The following CP variants were observed in gnomAD, a reference collection of about 807,000 sequenced individuals.
CP encodes the protein ceruloplasmin, also known as caeruloplasmin.
In CP, 64 loss-of-function variants were observed where a neutral mutation model predicts 122.4. The observed-to-expected ratio is 0.52, with a 90% CI of 0.43 to 0.64. The LOEUF is 0.64. Among genes scored for constraint, CP ranks in the 30% least tolerant of loss-of-function variants. The pLI, the probability that CP is intolerant of heterozygous loss-of-function variation, is 0.00. For synonymous variants in CP, 440 were observed against 436.4 expected, an observed-to-expected ratio of 1.01 and a Z score of -0.10; for missense variants, 1,167 against 1,284.4, an observed-to-expected ratio of 0.91 and a Z score of 1.40.
intron 14 of CP, 23 bp downstream of exon 14, chr3:149,181,982 C>T (rs1559937707): frequency 9.4e-6 from 5 of 532,610 alleles, no homozygotes; most frequent in South Asian, 1.5e-5. Context: ...ATGCACCACC[C>T]CCACCCCCGC....
intron 4 of CP, among the ~76,000 whole-genome samples, chr3:149,166,616 A>G (rs1480615437): frequency 1.3e-5 from 2 of 152,072 alleles, no homozygotes; most frequent in Non-Finnish European, 2.9e-5. Flanking sequence ...TGCCATATGT[A>G]TTTACTCATC....
intron 14 of CP, 49 bp from the exon 15 acceptor site, chr3:149,179,711 T>C: frequency 1.6e-6 from 1 of 608,112 alleles, no homozygotes; most frequent in Non-Finnish European, 2.9e-6. Flanking sequence ...GTTTATATTG[T>C]ACACACACAC....
intron 1 of CP, among the ~76,000 whole-genome samples, chr3:149,215,236 G>T (rs565728170): frequency 2.0e-5 from 3 of 152,040 alleles, no homozygotes; most frequent in Non-Finnish European, 4.4e-5. Context: ...GTCCTATTTT[G>T]ATAAACTATA....
chr3:149,208,430 C>A (rs536582077), intron 4 of CP, among the ~76,000 whole-genome samples: 2 of 152,118 alleles, frequency 1.3e-5, no homozygotes, highest in South Asian at 2.1e-4. Context: ...GGAAAGAGGA[C>A]CTTCCACCCA....
chr3:149,205,843 G>T (rs1248149376), intron 6 of CP, among the ~76,000 whole-genome samples: 2 of 152,158 alleles, frequency 1.3e-5, no homozygotes, highest in Non-Finnish European at 1.5e-5. Context: ...ATGCAATAGT[G>T]TAACTGTACT....
At chr3:149,213,252 A>G (rs369945138) in intron 1 of CP, among the ~76,000 whole-genome samples, 11 of 152,316 alleles carry the variant, frequency 7.2e-5, no homozygotes, top group African/African-American at 2.4e-4. Flanking sequence ...AGAGTTGTTG[A>G]TGCATGCAAT....
chr3:149,202,073 C>A (rs779399445), intron 7 of CP, 29 bp downstream of exon 7: 7 of 1,613,856 alleles, frequency 4.3e-6, no homozygotes, highest in Non-Finnish European at 5.9e-6. Flanking sequence ...GAAGAGTAAA[C>A]CAGCCATATA....
chr3:149,199,994 G>A, intron 7 of CP, 130 bp from the exon 8 acceptor site: 1 of 978,690 alleles, frequency 1.0e-6, no homozygotes, highest in South Asian at 1.4e-5. Flanking sequence ...GTGGTGAATG[G>A]AAAGCTTGGT....
rs1387190231 is a variant in CP, at chr3:149,173,465, T to A, written c.*249A>T. 6.0e-6 allele frequency: 2 copies of A among 334,670 alleles called. No homozygotes were observed. Among genetic ancestry groups the A allele is most frequent in the African/African-American group, 4.3e-5 (2 of 46,210 alleles). 20.7% of individuals were successfully genotyped at this position (334,670 alleles called of 1,614,324 possible). A position where few individuals can be genotyped will look rare whatever the true frequency, so the allele number is the denominator to read the frequency against. On this transcript the variant is annotated 3_prime_UTR_variant, in exon 19 of 19. Coordinates refer to ENST00000264613, the MANE Select transcript of CP (RefSeq NM_000096.4). Reference sequence around the variant, plus strand: ...TAAAACCCTAACAGCGGTGATATCATTAGACTGTATGAATCAGTTTTATTA... The same window carrying A: ...TAAAACCCTAACAGCGGTGATATCAATAGACTGTATGAATCAGTTTTATTA...
rs374918648 is a variant in CP at position 149,177,546 on chromosome 3, C to T, written c.3018+294G>A. On this transcript the variant is annotated intron_variant, in intron 17 of 18. Coordinates refer to ENST00000264613, the MANE Select transcript of CP (RefSeq NM_000096.4). The stretch of plus-strand genomic sequence containing the variant: ...CATCCTTCCATATACTTTAAATCAT[C>T]TCTAGATTATTATAATACCTAATAC... 4.6e-5 allele frequency among the ~76,000 whole-genome samples: 7 copies of T among 152,296 alleles called. No individual in the cohort carries two copies. The South Asian group carries it at 1.4e-3, about 32-fold the overall frequency.
At position 149,207,558 on chromosome 3, in the gene CP, C is replaced by T. The variant is rs969979982; in HGVS notation, c.841G>A (p.Val281Ile). ...PGLSMCAEDRVKWYLFGMGNE... is the reference protein window; with the variant it reads ...PGLSMCAEDRIKWYLFGMGNE... The stretch of plus-strand genomic sequence containing the variant: ...CCCATACCAAAAAGGTACCATTTTA[C>T]TCTGTCTTCAGCACACATGGAGAGT... The change falls in exon 5 of 19, where the codon GTA becomes ATA. Residue 281 changes from valine (V) to isoleucine (I), a missense_variant. By Grantham distance (29) the Val-to-Ile change is conservative (BLOSUM62 3). Around this residue, in one of 2 missense-constraint regions of CP, gnomAD observed 642 missense variants for 627.3 expected, o/e 1.02. Coordinates refer to ENST00000264613, the MANE Select transcript of CP (RefSeq NM_000096.4). 1 of 1,614,012 alleles carries T rather than the reference C, an allele frequency of 6.2e-7. No homozygotes were observed. The highest frequency in any genetic ancestry group is 8.5e-7 in the Non-Finnish European group (1 of 1,179,878).
chr3:149,169,655 C>T (rs1388304557), downstream of CP, among the ~76,000 whole-genome samples: 4 of 152,144 alleles, frequency 2.6e-5, no homozygotes, highest in Admixed American at 6.5e-5. Flanking sequence ...CCAGATGTTG[C>T]CAGATGTCCC....
intron 5 of CP, among the ~76,000 whole-genome samples, chr3:149,206,590 C>T (rs372521435): frequency 1.3e-4 from 20 of 152,220 alleles, no homozygotes; most frequent in African/African-American, 3.4e-4. Context: ...AAATATGGTA[C>T]CAGTTTCTGT....
At chr3:149,212,806 A>C in intron 1 of CP, 108 bp from the exon 2 acceptor site, 1 of 1,351,636 alleles carries the variant, frequency 7.4e-7, no homozygotes, top group South Asian at 1.3e-5. Flanking sequence ...AGCACATCAC[A>C]TTGAATGTTT....
intron 13 of CP, among the ~76,000 whole-genome samples, chr3:149,182,593 T>A (rs1725857612): frequency 6.6e-6 from 1 of 151,884 alleles, no homozygotes; most frequent in South Asian, 2.1e-4. Context: ...GGAGTGGGGG[T>A]CCCTGCAATT....
intron 6 of CP, among the ~76,000 whole-genome samples, chr3:149,204,530 C>T (rs375933091): frequency 1.2e-4 from 19 of 152,254 alleles, no homozygotes; most frequent in African/African-American, 2.6e-4. Context: ...GAGTTGGAGA[C>T]GCAGCGTTGG....
At chr3:149,172,255 T>A, downstream of CP, 1 of 1,599,036 alleles carries the variant, frequency 6.3e-7, no homozygotes, top group Non-Finnish European at 8.5e-7. Context: ...TAATGGCATT[T>A]GAGACTGAAT....
downstream of CP, among the ~76,000 whole-genome samples, chr3:149,171,599 T>C (rs1441208741): frequency 6.6e-6 from 1 of 152,100 alleles, no homozygotes; most frequent in African/African-American, 2.4e-5. Context: ...CAAAGGATTC[T>C]AGTAAGGAAA....
chr3:149,202,808 A>C (rs1019394204), intron 6 of CP, among the ~76,000 whole-genome samples: 2 of 149,024 alleles, frequency 1.3e-5, no homozygotes, highest in African/African-American at 2.5e-5. Flanking sequence ...ACAGGGTTTC[A>C]ACATGTTAGC....
Sources: gnomAD v4.1 joint callset for allele counts (sites outside exome capture counted in the v4.1 genomes callset) on GRCh38, gnomAD v4.1.1 for gene constraint, gnomAD v4.1.1 regional missense constraint, MANE v1.5 for transcripts, NCBI Gene and HGNC (gene_info 2026-07-23, HGNC 2026-07-21) for gene names.